The following GRM1 variants were observed in gnomAD, a reference collection of about 807,000 sequenced individuals.
The protein encoded by GRM1 is metabotropic glutamate receptor 1.
In GRM1, 33 loss-of-function variants were observed where a neutral mutation model predicts 90.9. The observed-to-expected ratio is 0.36, with a 90% CI of 0.28 to 0.49. GRM1 has a LOEUF of 0.49. Among genes scored for constraint, GRM1 ranks in the 20% least tolerant of loss-of-function variants. GRM1 has a pLI of 0.99. For synonymous variants in GRM1, 700 were observed against 613.2 expected (o/e 1.14, Z -2.09); for missense variants, 1,190 against 1,534.3 (o/e 0.78, Z 3.75).
intron 2 of GRM1, among the ~76,000 whole-genome samples, chr6:146,216,652 C>T (rs772949983): frequency 2.0e-5 from 3 of 152,148 alleles, no homozygotes; most frequent in Non-Finnish European, 4.4e-5. Context: ...AACTGTGGCT[C>T]GAAGGGGCAG....
intron 3 of GRM1, among the ~76,000 whole-genome samples, chr6:146,333,358 T>C (rs1399762203): frequency 6.6e-6 from 1 of 152,166 alleles, no homozygotes; most frequent in Non-Finnish European, 1.5e-5. Flanking sequence ...GTTGATTCTT[T>C]TTTTTTCCCC....
chr6:146,082,091 G>T (rs1934521784), intron 1 of GRM1, among the ~76,000 whole-genome samples: 1 of 152,124 alleles, frequency 6.6e-6, no homozygotes, highest in Non-Finnish European at 1.5e-5. Context: ...TAGGAAATAG[G>T]TAGGTGGAGT....
At chr6:146,231,056 A>G (rs1023397814) in intron 2 of GRM1, among the ~76,000 whole-genome samples, 3 of 152,160 alleles carry the variant, frequency 2.0e-5, no homozygotes, top group African/African-American at 7.2e-5. Flanking sequence ...CAGTGAAACT[A>G]TTCTGTATGC....
At chr6:146,105,838 G>A (rs1777207663) in intron 1 of GRM1, among the ~76,000 whole-genome samples, 1 of 152,112 alleles carries the variant, frequency 6.6e-6, no homozygotes, top group Non-Finnish European at 1.5e-5. Context: ...TTGCTTATTT[G>A]ACAGATTGGG....
chr6:146,117,032 A>G (rs1165474471), intron 1 of GRM1, among the ~76,000 whole-genome samples: 1 of 151,570 alleles, frequency 6.6e-6, no homozygotes, highest in Non-Finnish European at 1.5e-5. Context: ...TTAATTTTTT[A>G]AAGTCTTCTA....
chr6:146,284,849 A>G (rs1782700057), intron 2 of GRM1, among the ~76,000 whole-genome samples: 2 of 152,198 alleles, frequency 1.3e-5, no homozygotes, highest in South Asian at 4.1e-4. Context: ...GTGTCTTTAT[A>G]GGAGTGTAAG....
chr6:146,252,990 G>A (rs1781352648), intron 2 of GRM1, among the ~76,000 whole-genome samples: 1 of 152,020 alleles, frequency 6.6e-6, no homozygotes, highest in African/African-American at 2.4e-5. Flanking sequence ...AACCCGGGAG[G>A]CAGAGGTTGC....
chr6:146,305,430 G>T (rs535891810), intron 3 of GRM1, among the ~76,000 whole-genome samples: 12 of 152,290 alleles, frequency 7.9e-5, no homozygotes, highest in African/African-American at 2.6e-4. Flanking sequence ...CTTCAGGGGT[G>T]TGGTGAAATC....
chr6:146,422,822 A>G (rs1044851506), intron 7 of GRM1, among the ~76,000 whole-genome samples: 5 of 152,174 alleles, frequency 3.3e-5, no homozygotes, highest in South Asian at 2.1e-4. Flanking sequence ...AAGGAAGACT[A>G]TTTGGACAAT....
Position 146,434,405 on chromosome 6 carries a change from T to TGTACCC in GRM1, c.3196_3201dup (p.Tyr1066_Pro1067dup), listed in dbSNP as rs762191439. The TGTACCC allele has an allele frequency of 1.1e-5, 18 of 1,613,466 alleles. No homozygotes were observed. In the South Asian group the frequency reaches 1.6e-4, roughly 15 times the overall value. On this transcript the variant is annotated inframe_insertion, in exon 8 of 8. Coordinates refer to ENST00000282753, the MANE Select transcript of GRM1 (RefSeq NM_001278064.2). ...GGTCCCGGGAACGGGCTGCGGTCCC[T>TGTACCC]GTACCCGCCCCCGCCACCTCCGCAG...
intron 4 of GRM1, 123 bp from the exon 5 acceptor site, chr6:146,357,403 G>A: frequency 2.6e-6 from 2 of 762,160 alleles, no homozygotes; most frequent in Non-Finnish European, 4.6e-6. Context: ...TAAAATATTG[G>A]CAGTAGCTGA....
rs561571989 is a variant in GRM1, at chr6:146,319,306, A to G, written c.1186+14460A>G. On this transcript the variant is annotated intron_variant, in intron 3 of 7. Transcript: ENST00000282753. ...GTGTTGTACATTATTTCTGAGGCCT[A>G]TGTTCTGTTCCATTGGTTAATATAT... is the stretch of plus-strand genomic sequence containing the variant. Among the ~76,000 whole-genome samples the G allele has an allele frequency of 7.2e-4, 109 of 152,082 alleles. 1 individual carries two copies. Among genetic ancestry groups the G allele is most frequent in the African/African-American group, 2.5e-3 (105 of 41,488 alleles).
intron 1 of GRM1, among the ~76,000 whole-genome samples, chr6:146,144,875 C>T (rs143956217): frequency 1.3e-5 from 2 of 152,044 alleles, no homozygotes; most frequent in African/African-American, 4.8e-5. Context: ...AAACATAGAT[C>T]GTAAAGGCCA....
intron 2 of GRM1, among the ~76,000 whole-genome samples, chr6:146,179,129 T>C (rs2143324): frequency 0.25 from 37,755 of 151,970 alleles, 8,196 homozygotes; most frequent in African/African-American, 0.59. Context: ...ATATACAAAT[T>C]GGGAGAAAAG....
intron 1 of GRM1, among the ~76,000 whole-genome samples, chr6:146,145,688 A>G (rs1169634756): frequency 2.0e-5 from 3 of 152,220 alleles, no homozygotes; most frequent in Admixed American, 2.0e-4. Context: ...TGTCACAGGG[A>G]TAGAGGCACT....
chr6:146,127,280 T>C (rs1776232462), intron 1 of GRM1, among the ~76,000 whole-genome samples: 1 of 152,202 alleles, frequency 6.6e-6, no homozygotes, highest in Admixed American at 6.5e-5. Flanking sequence ...AGAGGGGTTA[T>C]GTACCTGAAG....
intron 1 of GRM1, among the ~76,000 whole-genome samples, chr6:146,152,198 T>C (rs994845902): frequency 8.5e-5 from 13 of 152,102 alleles, no homozygotes; most frequent in African/African-American, 1.2e-4. Flanking sequence ...TGTCATTCTG[T>C]AAATCATGAA....
intron 7 of GRM1, among the ~76,000 whole-genome samples, chr6:146,410,613 G>A (rs1220303688): frequency 6.6e-6 from 1 of 152,084 alleles, no homozygotes; most frequent in East Asian, 1.9e-4. Context: ...TCTAGTAAAG[G>A]CCTTGGAGGT....
chr6:146,201,615 G>A (rs187627681), intron 2 of GRM1, among the ~76,000 whole-genome samples: 5 of 152,248 alleles, frequency 3.3e-5, no homozygotes, highest in Admixed American at 2.6e-4. Context: ...CTTACCAAAG[G>A]CCACACCTCC....
Sources: allele counts gnomAD v4.1 joint callset (sites outside exome capture counted in the v4.1 genomes callset), GRCh38; gene constraint gnomAD v4.1.1; transcripts MANE v1.5; gene names NCBI Gene and HGNC (gene_info 2026-07-23, HGNC 2026-07-21).